Variants in SLC22A23 observed in about 807,000 individuals in gnomAD.
The protein encoded by SLC22A23 is ion transporter protein.
In SLC22A23, 26 loss-of-function variants were observed where a neutral mutation model predicts 61.0. The ratio of observed to expected loss-of-function variants is 0.43; its 90% CI spans 0.31 to 0.59. SLC22A23 has a LOEUF of 0.59. Among genes scored for constraint, SLC22A23 ranks in the 20% least tolerant of loss-of-function variants. SLC22A23 has a pLI of 0.11. For synonymous variants in SLC22A23, 430 were observed against 413.9 expected (o/e 1.04, Z -0.47); for missense variants, 796 against 934.7 (o/e 0.85, Z 1.94).
Position 3,323,874 on chromosome 6 carries a change from G to A in SLC22A23, c.1042C>T (p.Leu348Phe). 2 of 1,614,114 alleles carry A rather than the reference G, an allele frequency of 1.2e-6. No individual in the cohort carries two copies. The highest frequency in any genetic ancestry group is 1.7e-6 in the Non-Finnish European group (2 of 1,180,002). The change falls in exon 4 of 10, where the codon CTC becomes TTC. Residue 348 changes from leucine (L) to phenylalanine (F), a missense_variant. Coordinates refer to ENST00000406686, the MANE Select transcript of SLC22A23 (RefSeq NM_015482.2). ...LCRDWQVLQALIICPFLLMLL... is the reference protein window; with the variant it reads ...LCRDWQVLQAFIICPFLLMLL... ...ATGAGCAGGAAGGGGCAGATGATGA[G>A]GGCCTGCAGCACCTGCCAATCCCGG...
chr6:3,289,635 ACT>A, intron 6 of SLC22A23, 127 bp downstream of exon 6: 1 of 727,708 alleles, frequency 1.4e-6, no homozygotes, highest in South Asian at 1.9e-5. Context: ...AGCCCGTGTC[ACT>A]CTTCACACAC....
In SLC22A23 at chr6:3,386,862, C is replaced by CGGCACCCCAGGGCGGGGCA. The variant is rs1767345455; in HGVS notation, c.913+23307_913+23325dup. Among the ~76,000 whole-genome samples the CGGCACCCCAGGGCGGGGCA allele has an allele frequency of 6.6e-6, 1 of 152,174 alleles. No homozygotes were observed. Among genetic ancestry groups the CGGCACCCCAGGGCGGGGCA allele is most frequent in the South Asian group, 2.1e-4 (1 of 4,828 alleles). On this transcript the variant is annotated intron_variant, in intron 3 of 9. Coordinates refer to ENST00000406686, the MANE Select transcript of SLC22A23 (RefSeq NM_015482.2). This position sits in a 1 kb window ranked among gnomAD's most constrained non-coding sequence, Gnocchi z 4.4. Reference sequence around the variant, plus strand: ...GAACAAGGACTTGCTTCCACAGGGCCGGCACCCCAGGGCGGGGCAGGCACC... The same window carrying CGGCACCCCAGGGCGGGGCA: ...GAACAAGGACTTGCTTCCACAGGGCCGGCACCCCAGGGCGGGGCAGGCACCCCAGGGCGGGGCAGGCACC...
chr6:3,345,165 C>T (rs1412057832), intron 3 of SLC22A23, among the ~76,000 whole-genome samples: 3 of 152,044 alleles, frequency 2.0e-5, no homozygotes, highest in Non-Finnish European at 2.9e-5. Flanking sequence ...TCAGTAGACT[C>T]CTAGCATCAG....
intron 4 of SLC22A23, 65 bp downstream of exon 4, chr6:3,323,769 G>A (rs2127399650): frequency 6.5e-7 from 1 of 1,530,354 alleles, no homozygotes; most frequent in Non-Finnish European, 8.8e-7. Flanking sequence ...GTCCTGCCCG[G>A]GGCCGGGCCT....
rs76419335 is a variant in SLC22A23 at position 3,285,221 on chromosome 6, G to T, written c.1547-110C>A. ...AGCCTAGCGTGTTCCCATGCGACTT[G>T]GTTCAAGCAAACTCCCTTCCGTGTC... On this transcript the variant is annotated intron_variant, in intron 7 of 9. Coordinates refer to ENST00000406686, the MANE Select transcript of SLC22A23 (RefSeq NM_015482.2). 422 of 1,469,328 alleles carry T rather than the reference G, an allele frequency of 2.9e-4. 5 individuals carry two copies. In the East Asian group the frequency reaches 8.6e-3, roughly 30 times the overall value. The allele number at this position is 1,469,328 out of a possible 1,614,324, so 91.0% of individuals were successfully genotyped here.
chr6:3,299,500 AT>A (rs1278939447), intron 4 of SLC22A23, among the ~76,000 whole-genome samples: 1 of 152,198 alleles, frequency 6.6e-6, no homozygotes, highest in African/African-American at 2.4e-5. Context: ...AAGCGACAGA[AT>A]CTTTTTCTTT....
chr6:3,406,490 G>A (rs966828452), intron 3 of SLC22A23, among the ~76,000 whole-genome samples: 2 of 152,002 alleles, frequency 1.3e-5, no homozygotes, highest in African/African-American at 4.8e-5. Flanking sequence ...TTCTTGGTCC[G>A]TGCCCCTCGC....
chr6:3,367,650 C>G (rs2127458716), intron 3 of SLC22A23, among the ~76,000 whole-genome samples: 1 of 152,234 alleles, frequency 6.6e-6, no homozygotes, highest in African/African-American at 2.4e-5. Context: ...GTTAGGTTGC[C>G]CAAAGTCACA....
intron 3 of SLC22A23, among the ~76,000 whole-genome samples, chr6:3,334,167 T>C (rs1763724921): frequency 6.6e-6 from 1 of 152,368 alleles, no homozygotes; most frequent in South Asian, 2.1e-4. Context: ...CTGTTTTTAT[T>C]TTTTTATTTT....
At chr6:3,365,239 T>C (rs1226143697) in intron 3 of SLC22A23, among the ~76,000 whole-genome samples, 1 of 152,154 alleles carries the variant, frequency 6.6e-6, no homozygotes, top group Non-Finnish European at 1.5e-5. Flanking sequence ...GGAGAATCAC[T>C]TGAACCCGGG....
chr6:3,457,043 C>T lies in SLC22A23; in HGVS notation c.-484G>A, dbSNP rs1390666538. 6.6e-6 allele frequency: 1 copy of T among 152,536 alleles called. No homozygotes were observed. The highest frequency in any genetic ancestry group is 1.5e-5 in the Non-Finnish European group (1 of 68,130). The allele number at this position is 152,536 out of a possible 1,614,324, so 9.4% of individuals were successfully genotyped here. A position where few individuals can be genotyped will look rare whatever the true frequency, so the allele number is the denominator to read the frequency against. ...CCTCCCGGAAGCCGCGAGCTCTGGA[C>T]CCAGCCTGCCGAGCCGGCCGCGCTC... On this transcript the variant is annotated 5_prime_UTR_variant, in exon 1 of 10. Coordinates refer to ENST00000406686, the MANE Select transcript of SLC22A23 (RefSeq NM_015482.2).
intron 3 of SLC22A23, among the ~76,000 whole-genome samples, chr6:3,371,279 G>T (rs1287599285): frequency 1.3e-5 from 2 of 152,250 alleles, no homozygotes; most frequent in East Asian, 3.8e-4. Context: ...TTTAGGTGCT[G>T]CAGGCCACAT....
At chr6:3,413,191 T>C (rs1429370921) in intron 2 of SLC22A23, among the ~76,000 whole-genome samples, 6 of 152,078 alleles carry the variant, frequency 3.9e-5, no homozygotes, top group African/African-American at 1.4e-4. Flanking sequence ...CAACAGACGG[T>C]GTTTGACCTT....
At position 3,419,350 on chromosome 6, in the gene SLC22A23, T is replaced by C. The variant is rs1398765008; in HGVS notation, c.655-3495A>G. Among the ~76,000 whole-genome samples the C allele has an allele frequency of 5.3e-5, 8 of 152,174 alleles. No homozygotes were observed. In the East Asian group the frequency reaches 1.5e-3, roughly 29 times the overall value. ...CTCACTCATGTGATTCCAGTCTCCTTCTGGTGTGGGCTTCCTATAGTGTGG... is the reference window on the plus strand; with the variant it reads ...CTCACTCATGTGATTCCAGTCTCCTCCTGGTGTGGGCTTCCTATAGTGTGG... On this transcript the variant is annotated intron_variant, in intron 1 of 9. Coordinates refer to ENST00000406686, the MANE Select transcript of SLC22A23 (RefSeq NM_015482.2).
rs1265892421 is a variant in SLC22A23 at position 3,269,147 on chromosome 6, A to G, written c.*3908T>C. On this transcript the variant is annotated 3_prime_UTR_variant, in exon 10 of 10. Coordinates refer to ENST00000406686, the MANE Select transcript of SLC22A23 (RefSeq NM_015482.2). ...TCAGCAGAACATACACGAACAAGGG[A>G]AAAAAATTCCTCTTAATTTTACTGA... The G allele has an allele frequency of 7.5e-6, 1 of 134,160 alleles. No individual in the cohort carries two copies. Among genetic ancestry groups the G allele is most frequent in the East Asian group, 2.0e-4 (1 of 4,906 alleles). The allele number at this position is 134,160 out of a possible 1,614,324, so 8.3% of individuals were successfully genotyped here.
rs28437727 is a variant in SLC22A23, at chr6:3,382,589, C to T, written c.913+27599G>A. ...TCCTTCCAACCAGGTGAGTCATCTA[C>T]GACAGAGGTTGGCAAACTATAGCCT... On this transcript the variant is annotated intron_variant, in intron 3 of 9. Coordinates refer to ENST00000406686, the MANE Select transcript of SLC22A23 (RefSeq NM_015482.2). Among the ~76,000 whole-genome samples the T allele has an allele frequency of 1.6e-4, 25 of 152,332 alleles. No homozygotes were observed. In the East Asian group the frequency reaches 2.5e-3, roughly 15 times the overall value.
In SLC22A23 at chr6:3,297,281, G is replaced by A. The variant is rs144258878; in HGVS notation, c.1210+810C>T. Reference sequence around the variant, plus strand: ...AAAATGAGCATATTCTCTCTTGGACGATGGCCTGGAGGTTATTTTCCCAGG... The same window carrying A: ...AAAATGAGCATATTCTCTCTTGGACAATGGCCTGGAGGTTATTTTCCCAGG... On this transcript the variant is annotated intron_variant, in intron 5 of 9. Coordinates refer to ENST00000406686, the MANE Select transcript of SLC22A23 (RefSeq NM_015482.2). This position sits in a 1 kb window ranked among gnomAD's most constrained non-coding sequence, Gnocchi z 4.3. 3.9e-5 allele frequency among the ~76,000 whole-genome samples: 6 copies of A among 152,316 alleles called. No individual in the cohort carries two copies. Among genetic ancestry groups the A allele is most frequent in the East Asian group, 1.9e-4 (1 of 5,184 alleles).
chr6:3,323,527 A>G (rs9405631), intron 4 of SLC22A23: 32,953 of 460,524 alleles, frequency 0.072, 1,700 homozygotes, highest in East Asian at 0.24. Context: ...ATAAAAATTC[A>G]TGTCAGAATA....
intron 3 of SLC22A23, among the ~76,000 whole-genome samples, chr6:3,355,256 C>A (rs1765000819): frequency 6.6e-6 from 1 of 151,808 alleles, no homozygotes; most frequent in African/African-American, 2.4e-5. Flanking sequence ...ATAGAGAGGC[C>A]TTGATAACCA....
Sources: allele counts gnomAD v4.1 joint callset (sites outside exome capture counted in the v4.1 genomes callset), GRCh38; gene constraint gnomAD v4.1.1; non-coding constraint Gnocchi (gnomAD v3.1); transcripts MANE v1.5; gene names NCBI Gene and HGNC (gene_info 2026-07-23, HGNC 2026-07-21).